Variants in PCDHGA6 observed in about 807,000 individuals in gnomAD.
PCDHGA6 encodes the protein protocadherin gamma subfamily A, 6.
Under a neutral mutation model 60.6 loss-of-function variants are expected in PCDHGA6, and 41 were observed. The observed-to-expected ratio is 0.68, with a 90% CI of 0.53 to 0.88. The LOEUF (loss-of-function observed/expected upper bound fraction) is 0.88. Ranked by LOEUF, PCDHGA6 falls within the 40% of genes least tolerant of loss-of-function variation. PCDHGA6 has a pLI of 0.00. For missense variants in PCDHGA6, 1,312 were observed against 1,203.0 expected, an observed-to-expected ratio of 1.09 and a Z score of -1.34; for synonymous variants, 594 against 524.4, an observed-to-expected ratio of 1.13 and a Z score of -1.81.
chr5:141,402,281 C>A (rs1589453227), intron 1 of PCDHGA6, among the ~76,000 whole-genome samples: 1 of 151,846 alleles, frequency 6.6e-6, no homozygotes, highest in African/African-American at 2.4e-5. Flanking sequence ...AGTGGATAAT[C>A]TATCCTTATA....
intron 1 of PCDHGA6, chr5:141,384,391 G>A: frequency 1.2e-6 from 2 of 1,613,920 alleles, no homozygotes; most frequent in Non-Finnish European, 1.7e-6. Context: ...CACCATCCAG[G>A]GGGCTCCAGT....
intron 1 of PCDHGA6, chr5:141,399,804 G>A (rs1191609127): frequency 2.5e-6 from 4 of 1,613,224 alleles, no homozygotes; most frequent in East Asian, 2.2e-5. Flanking sequence ...CGCGGGTGCT[G>A]TACCCCGCGC....
chr5:141,490,010 T>C lies in PCDHGA6; in HGVS notation c.2425-4797T>C, dbSNP rs749356078. On this transcript the variant is annotated intron_variant, in intron 1 of 3. Coordinates refer to ENST00000517434, the MANE Select transcript of PCDHGA6 (RefSeq NM_018919.3). The surrounding 1 kb of genome is among the most constrained non-coding windows in gnomAD (Gnocchi z 5.4). ...GTGGGAATCCCAGAGAATGCACCCA[T>C]TGGTACTCTGCTGCTCCGCCTCAAT... 11 of 1,614,198 alleles carry C rather than the reference T, an allele frequency of 6.8e-6. No homozygotes were observed. The highest frequency in any genetic ancestry group is 2.2e-5 in the South Asian group (2 of 91,082).
rs2099684984 is a variant in PCDHGA6 at position 141,489,278 on chromosome 5, G to A, written c.2425-5529G>A. ...ACACTCCCACAGCTCGCTGGGAAAT[G>A]GCAAGTGCTGTGCATGTTGTCCTTG... is the stretch of plus-strand genomic sequence containing the variant. On this transcript the variant is annotated intron_variant, in intron 1 of 3. Transcript: ENST00000517434. The surrounding 1 kb of genome is among the most constrained non-coding windows in gnomAD (Gnocchi z 4.5). The A allele has an allele frequency of 6.4e-7, 1 of 1,561,298 alleles. No homozygotes were observed. The highest frequency in any genetic ancestry group is 2.2e-5 in the East Asian group (1 of 44,520).
chr5:141,452,378 T>C (rs1227738942), intron 1 of PCDHGA6, among the ~76,000 whole-genome samples: 1 of 152,226 alleles, frequency 6.6e-6, no homozygotes, highest in African/African-American at 2.4e-5. Context: ...TAGTAGGGAA[T>C]AGTATTTAGA....
At chr5:141,388,126 G>T (rs531546122) in intron 1 of PCDHGA6, 7 of 1,431,030 alleles carry the variant, frequency 4.9e-6, no homozygotes, top group East Asian at 2.4e-5. Flanking sequence ...AGCGCAGAGA[G>T]CGGGGAGTTG....
rs1561685937 is a variant in PCDHGA6 at position 141,403,112 on chromosome 5, C to T, written c.2424+26605C>T. On this transcript the variant is annotated intron_variant, in intron 1 of 3. Coordinates refer to ENST00000517434, the MANE Select transcript of PCDHGA6 (RefSeq NM_018919.3). ...GGGCAACATCTCCAAGGACCTGGCT[C>T]TGGAGCCCCGGGAGCTGGCGGAGCG... 5.6e-6 allele frequency: 9 copies of T among 1,614,074 alleles called. No individual in the cohort carries two copies. In the East Asian group the frequency reaches 2.0e-4, roughly 36 times the overall value.
intron 1 of PCDHGA6, among the ~76,000 whole-genome samples, chr5:141,436,515 G>A (rs1393437693): frequency 6.6e-6 from 1 of 152,160 alleles, no homozygotes; most frequent in Non-Finnish European, 1.5e-5. Context: ...ATTGTTAACT[G>A]TGTCACCTTT....
rs754935227 is a variant in PCDHGA6 at position 141,395,069 on chromosome 5, C to G, written c.2424+18562C>G. The G allele has an allele frequency of 3.7e-6, 6 of 1,614,006 alleles. No homozygotes were observed. In the African/African-American group the frequency reaches 8.0e-5, roughly 22 times the overall value. ...AGGAGGTACAGGCTTTCCTGCAGAC[C>G]TATTCCCAGGAAGTCTCCCTCACCG... On this transcript the variant is annotated intron_variant, in intron 1 of 3. Transcript: ENST00000517434.
intron 1 of PCDHGA6, among the ~76,000 whole-genome samples, chr5:141,459,831 G>T (rs907978430): frequency 1.3e-5 from 2 of 152,150 alleles, no homozygotes; most frequent in Non-Finnish European, 2.9e-5. Context: ...CTTTTCATGT[G>T]TTGTCTATTT....
At chr5:141,399,298 A>T (rs1451298331) in intron 1 of PCDHGA6, 1 of 1,613,850 alleles carries the variant, frequency 6.2e-7, no homozygotes, top group Non-Finnish European at 8.5e-7. Flanking sequence ...TTTTAAGATT[A>T]TCTCTTCATC....
rs769153122 is a variant in PCDHGA6 at position 141,485,243 on chromosome 5, C to T, written c.2425-9564C>T. 8 of 1,614,062 alleles carry T rather than the reference C, an allele frequency of 5.0e-6. No homozygotes were observed. In the Admixed American group the frequency reaches 1.2e-4, roughly 24 times the overall value. ...TACCCTTTTGTTCCTCTTTTACCACCTGGGTTACGTTTGTGGGCAGATCCG... is the reference window on the plus strand; with the variant it reads ...TACCCTTTTGTTCCTCTTTTACCACTTGGGTTACGTTTGTGGGCAGATCCG... On this transcript the variant is annotated intron_variant, in intron 1 of 3. Transcript: ENST00000517434. The surrounding 1 kb of genome is among the most constrained non-coding windows in gnomAD (Gnocchi z 5.7).
At position 141,489,135 on chromosome 5, in the gene PCDHGA6, G is replaced by T; in HGVS notation, c.2425-5672G>T. The T allele has an allele frequency of 1.4e-6, 1 of 725,448 alleles. No individual in the cohort carries two copies. The highest frequency in any genetic ancestry group is 2.1e-6 in the Non-Finnish European group (1 of 470,770). 44.9% of individuals were successfully genotyped at this position (725,448 alleles called of 1,614,324 possible). ...GCAAACCTCCGAGCAGTTTTTAAGA[G>T]GCTGGAAGGAGACATAAGAGACTTC... On this transcript the variant is annotated intron_variant, in intron 1 of 3. Coordinates refer to ENST00000517434, the MANE Select transcript of PCDHGA6 (RefSeq NM_018919.3). The surrounding 1 kb of genome is among the most constrained non-coding windows in gnomAD (Gnocchi z 4.5).
chr5:141,433,221 A>G, intron 1 of PCDHGA6: 1 of 1,475,672 alleles, frequency 6.8e-7, no homozygotes, highest in African/African-American at 1.4e-5. Context: ...TTTTTTTTTT[A>G]ATTGCTCTGT....
chr5:141,393,962 C>G (rs2150548263), intron 1 of PCDHGA6: 1 of 1,613,894 alleles, frequency 6.2e-7, no homozygotes, highest in Non-Finnish European at 8.5e-7. Flanking sequence ...GTCAAGTTGT[C>G]TGTTACACAC....
intron 1 of PCDHGA6, among the ~76,000 whole-genome samples, chr5:141,434,195 T>C (rs1561872734): frequency 6.6e-6 from 1 of 151,916 alleles, no homozygotes; most frequent in Non-Finnish European, 1.5e-5. Flanking sequence ...AATTCCAATG[T>C]ACTTACTTCT....
chr5:141,427,265 C>G (rs767369457), intron 1 of PCDHGA6: 1 of 456,688 alleles, frequency 2.2e-6, no homozygotes, highest in Non-Finnish European at 4.4e-6. Context: ...GCATGACCAG[C>G]GAATGTAAAA....
rs1241221882 is a variant in PCDHGA6, at chr5:141,373,991, A to G, written c.-93A>G. On this transcript the variant is annotated 5_prime_UTR_variant, in exon 1 of 4. Transcript: ENST00000517434. ...CTTCGCATCCGGTCTCTGCTTGTTG[A>G]AGGACCTTCACCGCTATTTCTGAGA... 1 of 1,223,018 alleles carries G rather than the reference A, an allele frequency of 8.2e-7. No individual in the cohort carries two copies. Among genetic ancestry groups the G allele is most frequent in the Non-Finnish European group, 1.1e-6 (1 of 925,012 alleles). 75.8% of individuals were successfully genotyped at this position (1,223,018 alleles called of 1,614,324 possible).
At chr5:141,400,551 T>G in intron 1 of PCDHGA6, 1 of 1,613,726 alleles carries the variant, frequency 6.2e-7, no homozygotes, top group Non-Finnish European at 8.5e-7. Context: ...TCTATTCTTT[T>G]TCATTACCCA....
Sources: gnomAD v4.1 joint callset for allele counts (sites outside exome capture counted in the v4.1 genomes callset) on GRCh38, gnomAD v4.1.1 for gene constraint, Gnocchi (gnomAD v3.1) non-coding constraint, MANE v1.5 for transcripts, NCBI Gene and HGNC (gene_info 2026-07-23, HGNC 2026-07-21) for gene names.